Variants in SLC25A13 observed in about 807,000 individuals in gnomAD.
SLC25A13 encodes electrogenic aspartate/glutamate antiporter SLC25A13, mitochondrial.
A neutral mutation model predicts 85.5 loss-of-function variants in SLC25A13; 70 were observed. The ratio of observed to expected loss-of-function variants is 0.82; its 90% CI spans 0.68 to 1.00. The LOEUF is 1.00. SLC25A13 is among the 50% of genes least tolerant of loss of function. The pLI, the probability that SLC25A13 is intolerant of heterozygous loss-of-function variation, is 0.00. For synonymous variants in SLC25A13, 259 were observed against 288.7 expected (o/e 0.90, Z 1.04); for missense variants, 765 against 819.8 (o/e 0.93, Z 0.82).
chr7:96,250,475 G>A (rs1291689190), intron 3 of SLC25A13, among the ~76,000 whole-genome samples: 1 of 152,184 alleles, frequency 6.6e-6, no homozygotes, highest in Non-Finnish European at 1.5e-5. Context: ...AAATGAGCGA[G>A]GACATGCCGA....
At chr7:96,228,500 C>A (rs1455053212) in intron 4 of SLC25A13, among the ~76,000 whole-genome samples, 2 of 152,324 alleles carry the variant, frequency 1.3e-5, no homozygotes, top group Admixed American at 6.5e-5. Flanking sequence ...AAAATAAAAC[C>A]ATCATGCAAT....
intron 14 of SLC25A13, among the ~76,000 whole-genome samples, chr7:96,134,805 A>ATATATATATATATATATATATT (rs1792199184): frequency 6.9e-6 from 1 of 144,866 alleles, no homozygotes; most frequent in African/African-American, 2.6e-5. Flanking sequence ...ATATATATAT[A>ATATATATATATATATATATATT]TATATATAAC....
At chr7:96,143,264 A>G (rs1364473934) in intron 14 of SLC25A13, among the ~76,000 whole-genome samples, 1 of 152,246 alleles carries the variant, frequency 6.6e-6, no homozygotes, top group Non-Finnish European at 1.5e-5. Flanking sequence ...TCCCCTCATT[A>G]ACGCTCTGAC....
chr7:96,230,503 C>A (rs888324073), intron 4 of SLC25A13, among the ~76,000 whole-genome samples: 1 of 152,190 alleles, frequency 6.6e-6, no homozygotes, highest in Non-Finnish European at 1.5e-5. Flanking sequence ...CTGTCACATA[C>A]AATAGGCTAA....
chr7:96,206,110 G>A (rs1795451888), intron 5 of SLC25A13, among the ~76,000 whole-genome samples: 1 of 152,164 alleles, frequency 6.6e-6, no homozygotes, highest in Non-Finnish European at 1.5e-5. Context: ...TGCCATACAA[G>A]TTCCCTGAAA....
chr7:96,202,188 G>A (rs890942360), intron 5 of SLC25A13, among the ~76,000 whole-genome samples: 6 of 152,104 alleles, frequency 3.9e-5, no homozygotes, highest in African/African-American at 1.4e-4. Context: ...AGGTTATCAC[G>A]GGACTCGTGA....
At position 96,256,194 on chromosome 7, in the gene SLC25A13, C is replaced by A. The variant is rs1394065462; in HGVS notation, c.212+21002G>T. 2.0e-5 allele frequency among the ~76,000 whole-genome samples: 3 copies of A among 152,200 alleles called. No individual in the cohort carries two copies. The East Asian group carries it at 5.8e-4, about 29-fold the overall frequency. The stretch of plus-strand genomic sequence containing the variant: ...AATGGGCAAAATAAATGGCAAGCAT[C>A]ATAATGACAGGATCAAATTCACACA... On this transcript the variant is annotated intron_variant, in intron 3 of 17. Coordinates refer to ENST00000265631, the MANE Select transcript of SLC25A13 (RefSeq NM_014251.3).
At chr7:96,209,729 G>GA (rs1220340972) in intron 4 of SLC25A13, among the ~76,000 whole-genome samples, 26 of 151,968 alleles carry the variant, frequency 1.7e-4, no homozygotes, top group African/African-American at 5.8e-4. Context: ...GACTGACAGA[G>GA]AAAAAACAAA....
chr7:96,175,600 G>C (rs1435245823), intron 11 of SLC25A13, among the ~76,000 whole-genome samples: 4 of 152,236 alleles, frequency 2.6e-5, no homozygotes, highest in Admixed American at 2.6e-4. Flanking sequence ...TTCCACCCAG[G>C]CTGTCCGACT....
intron 1 of SLC25A13, among the ~76,000 whole-genome samples, chr7:96,320,906 G>C (rs1490068591): frequency 6.6e-6 from 1 of 152,196 alleles, no homozygotes; most frequent in African/African-American, 2.4e-5. Context: ...TTTTCCTCTT[G>C]AGGGTTATCA....
chr7:96,191,371 A>G (rs1005392285), intron 6 of SLC25A13, 124 bp from the exon 7 acceptor site: 13 of 1,036,386 alleles, frequency 1.3e-5, no homozygotes, highest in Admixed American at 7.6e-5. Flanking sequence ...AGAAATGACT[A>G]TAAGTATTTT....
At chr7:96,222,106 C>G (rs1442368673) in intron 4 of SLC25A13, among the ~76,000 whole-genome samples, 3 of 152,150 alleles carry the variant, frequency 2.0e-5, no homozygotes, top group African/African-American at 4.8e-5. Context: ...TTAAAAGTTC[C>G]AGGCTTTATG....
At chr7:96,183,480 G>A (rs964061454) in intron 11 of SLC25A13, among the ~76,000 whole-genome samples, 4 of 152,140 alleles carry the variant, frequency 2.6e-5, no homozygotes, top group Non-Finnish European at 4.4e-5. Flanking sequence ...CAGCTTTGCC[G>A]CTGCCAAATT....
At chr7:96,292,108 T>G (rs187504995) in intron 2 of SLC25A13, among the ~76,000 whole-genome samples, 10 of 152,138 alleles carry the variant, frequency 6.6e-5, no homozygotes, top group African/African-American at 2.4e-4. Context: ...ATCCCTGGGG[T>G]GCAAGGCTGG....
At chr7:96,193,300 G>A in intron 5 of SLC25A13, 117 bp from the exon 6 acceptor site, 2 of 1,216,652 alleles carry the variant, frequency 1.6e-6, no homozygotes, top group South Asian at 1.3e-5. Context: ...GATCTAACAA[G>A]CCCTCATCTG....
intron 1 of SLC25A13, among the ~76,000 whole-genome samples, chr7:96,311,112 T>C (rs1196356334): frequency 6.6e-6 from 1 of 152,196 alleles, no homozygotes; most frequent in African/African-American, 2.4e-5. Flanking sequence ...CACAAGAGTG[T>C]GTATTTAAAT....
intron 3 of SLC25A13, among the ~76,000 whole-genome samples, chr7:96,257,363 T>C (rs1017086046): frequency 1.3e-5 from 2 of 151,222 alleles, no homozygotes; most frequent in Non-Finnish European, 3.0e-5. Flanking sequence ...ATAGATGCAA[T>C]AAAAAATGAA....
At chr7:96,251,690 G>C (rs1161720783) in intron 3 of SLC25A13, among the ~76,000 whole-genome samples, 1 of 152,198 alleles carries the variant, frequency 6.6e-6, no homozygotes, top group African/African-American at 2.4e-5. Flanking sequence ...GGAGTGAACT[G>C]ATTGAGTCGT....
chr7:96,175,193 G>C (rs1794172689), intron 11 of SLC25A13, among the ~76,000 whole-genome samples: 2 of 152,170 alleles, frequency 1.3e-5, no homozygotes, highest in African/African-American at 2.4e-5. Context: ...GGGACTTCAA[G>C]GGTGAGCAGA....
Sources: gnomAD v4.1 joint callset for allele counts (sites outside exome capture counted in the v4.1 genomes callset) on GRCh38, gnomAD v4.1.1 for gene constraint, MANE v1.5 for transcripts, NCBI Gene and HGNC (gene_info 2026-07-23, HGNC 2026-07-21) for gene names.